Variants in ACSL3 observed in about 807,000 individuals in gnomAD.
ACSL3 encodes the protein acyl-CoA synthetase long chain family member 3.
In ACSL3, 34 loss-of-function variants were observed where a neutral mutation model predicts 84.7. The ratio of observed to expected loss-of-function variants is 0.40; its 90% confidence interval spans 0.31 to 0.53. The LOEUF is 0.53. Ranked by LOEUF, ACSL3 falls within the 20% of genes least tolerant of loss-of-function variation. The pLI is 0.48. For synonymous variants in ACSL3, 315 were observed against 299.4 expected, an observed-to-expected ratio of 1.05 and a Z score of -0.54; for missense variants, 680 against 873.1, an observed-to-expected ratio of 0.78 and a Z score of 2.79.
At chr2:222,864,339 G>A (rs886388037) in intron 1 of ACSL3, among the ~76,000 whole-genome samples, 17 of 151,900 alleles carry the variant, frequency 1.1e-4, no homozygotes, top group Non-Finnish European at 1.5e-4. Flanking sequence ...CCATGTAGAG[G>A]CAAGAGCTCA....
chr2:222,913,406 G>T (rs1696494434), intron 4 of ACSL3, among the ~76,000 whole-genome samples: 1 of 152,122 alleles, frequency 6.6e-6, no homozygotes, highest in South Asian at 2.1e-4. Flanking sequence ...TCTTGGCTGG[G>T]ATTTGTGGGT....
rs770740968 is a variant in ACSL3, at chr2:222,927,058, T to C, written c.1334T>C (p.Ile445Thr). ...GTTCGAAGCTTGCTAGGGGGAAATA[T>C]TCGTCTCCTGTTGTGTGGTGGCGCT... ...RKVRSLLGGN[I>T]RLLLCGGAPL... The change falls in exon 12 of 17, where the codon ATT becomes ACT. Residue 445 changes from isoleucine (I) to threonine (T), a missense_variant. Transcript: ENST00000357430. 8.1e-6 allele frequency: 13 copies of C among 1,613,986 alleles called. No individual in the cohort carries two copies. The Admixed American group carries it at 1.0e-4, about 12-fold the overall frequency.
At chr2:222,868,623 T>C (rs1159892189) in intron 1 of ACSL3, among the ~76,000 whole-genome samples, 1 of 152,154 alleles carries the variant, frequency 6.6e-6, no homozygotes, top group African/African-American at 2.4e-5. Flanking sequence ...TTGAGGTACA[T>C]TAACTAGATT....
At chr2:222,873,755 G>A (rs147081232) in intron 1 of ACSL3, among the ~76,000 whole-genome samples, 5 of 152,230 alleles carry the variant, frequency 3.3e-5, no homozygotes, top group African/African-American at 1.2e-4. Context: ...TCTACTATAT[G>A]TACATAATGT....
At position 222,892,250 on chromosome 2, in the gene ACSL3, TGTCC is replaced by T. The variant is rs1451150337; in HGVS notation, c.-148+4363_-148+4366del. On this transcript the variant is annotated intron_variant, in intron 2 of 16. Transcript: ENST00000357430. Reference sequence around the variant, plus strand: ...GATATTTGTAAGAATTTAAAACAACTGTCCTACTTTTAGGTCTGCTTTTTTTCGG... The same window carrying T: ...GATATTTGTAAGAATTTAAAACAACTTACTTTTAGGTCTGCTTTTTTTCGG... 3.9e-5 allele frequency among the ~76,000 whole-genome samples: 6 copies of T among 152,354 alleles called. No homozygotes were observed. The South Asian group carries it at 1.2e-3, about 32-fold the overall frequency.
chr2:222,921,541 T>C, intron 8 of ACSL3, 111 bp downstream of exon 8: 4 of 1,059,684 alleles, frequency 3.8e-6, no homozygotes, highest in Admixed American at 4.9e-5. Context: ...AGAGTCTGTT[T>C]GTAGTAGGCA....
At chr2:222,934,235 ACTTT>A (rs5838972) in intron 15 of ACSL3, among the ~76,000 whole-genome samples, 52,456 of 151,902 alleles carry the variant, frequency 0.35, 10,512 homozygotes, top group East Asian at 0.76. Flanking sequence ...AATATTTGTA[ACTTT>A]CTTTTAAAAT....
chr2:222,878,960 C>G (rs1017123485), intron 1 of ACSL3, among the ~76,000 whole-genome samples: 1 of 152,148 alleles, frequency 6.6e-6, no homozygotes, highest in Non-Finnish European at 1.5e-5. Context: ...AACCACATAC[C>G]TGGAATCCCT....
intron 2 of ACSL3, among the ~76,000 whole-genome samples, 179 bp downstream of exon 2, chr2:222,888,067 C>T (rs1286847379): frequency 6.6e-6 from 1 of 151,948 alleles, no homozygotes; most frequent in African/African-American, 2.4e-5. Context: ...GACATTAAAC[C>T]ATGTCATTGA....
chr2:222,893,618 T>G (rs1157277341), intron 2 of ACSL3, among the ~76,000 whole-genome samples: 1 of 152,238 alleles, frequency 6.6e-6, no homozygotes, highest in Non-Finnish European at 1.5e-5. Context: ...ACTTTTTTCC[T>G]GTTTTTCTCT....
chr2:222,927,263 A>C (rs1696908276), intron 12 of ACSL3, 74 bp downstream of exon 12: 1 of 1,504,788 alleles, frequency 6.6e-7, no homozygotes, highest in South Asian at 1.2e-5. Flanking sequence ...TTTTCTGCAA[A>C]TATATAGGAG....
At chr2:222,911,009 A>C (rs993643529) in intron 4 of ACSL3, among the ~76,000 whole-genome samples, 1 of 151,124 alleles carries the variant, frequency 6.6e-6, no homozygotes, top group African/African-American at 2.4e-5. Context: ...ATCATAATGA[A>C]GTTTGCTTTT....
chr2:222,908,658 A>G, intron 3 of ACSL3, 75 bp from the exon 4 acceptor site: 1 of 1,064,090 alleles, frequency 9.4e-7, no homozygotes, highest in Non-Finnish European at 1.4e-6. Context: ...AAAAATCTTC[A>G]TTTGCCGATG....
intron 12 of ACSL3, among the ~76,000 whole-genome samples, 185 bp from the exon 13 acceptor site, chr2:222,928,677 T>C (rs1173932951): frequency 1.3e-5 from 2 of 151,260 alleles, no homozygotes; most frequent in Non-Finnish European, 2.9e-5. Context: ...AACCTCAATG[T>C]AGGCCAAAAA....
intron 10 of ACSL3, 94 bp from the exon 11 acceptor site, chr2:222,924,362 C>A (rs1866661): frequency 8.7e-7 from 1 of 1,153,300 alleles, no homozygotes; most frequent in Non-Finnish European, 1.2e-6. Context: ...TTTTAAAATG[C>A]CTTAATATTG....
At position 222,916,403 on chromosome 2, in the gene ACSL3, G is replaced by A; in HGVS notation, c.463G>A (p.Gly155Ser). Residue 155 changes from glycine to serine, a missense_variant, in exon 5 of 17, where the codon GGT becomes AGT. Transcript: ENST00000357430. The stretch of plus-strand genomic sequence containing the variant: ...TTTTGGAAATGGATTACAGATGTTG[G>A]GTCAGAAACCAAAGACCAACATCGC... Reference protein sequence around the residue: ...FNFGNGLQMLGQKPKTNIAIF... With the variant: ...FNFGNGLQMLSQKPKTNIAIF... 4 of 1,613,928 alleles carry A rather than the reference G, an allele frequency of 2.5e-6. No individual in the cohort carries two copies. The highest frequency in any genetic ancestry group is 2.5e-6 in the Non-Finnish European group (3 of 1,179,938).
At chr2:222,901,743 G>A (rs1696156140) in intron 3 of ACSL3, among the ~76,000 whole-genome samples, 1 of 151,940 alleles carries the variant, frequency 6.6e-6, no homozygotes, top group African/African-American at 2.4e-5. Context: ...TCAAGAGATC[G>A]AGACCATCCT....
intron 5 of ACSL3, 66 bp from the exon 6 acceptor site, chr2:222,917,980 A>G (rs1696629817): frequency 2.5e-6 from 3 of 1,182,426 alleles, no homozygotes; most frequent in Non-Finnish European, 2.5e-6. Flanking sequence ...TCATCTCCAC[A>G]TTCAGAGACT....
Position 222,900,009 on chromosome 2 carries a change from C to T in ACSL3, c.-147-665C>T, listed in dbSNP as rs115270567. 1.1e-3 allele frequency among the ~76,000 whole-genome samples: 166 copies of T among 152,234 alleles called. 1 individual carries two copies. The highest frequency in any genetic ancestry group is 1.9e-3 in the Non-Finnish European group (132 of 68,008). ...TCATTTTCCTAGCCCTCACCAAAGA[C>T]GGAGTCGCTCTGGTTCAAACGCCTC... On this transcript the variant is annotated intron_variant, in intron 2 of 16. Coordinates refer to ENST00000357430, the MANE Select transcript of ACSL3 (RefSeq NM_004457.5).
Sources: allele counts gnomAD v4.1 joint callset (sites outside exome capture counted in the v4.1 genomes callset), GRCh38; gene constraint gnomAD v4.1.1; transcripts MANE v1.5; gene names NCBI Gene and HGNC (gene_info 2026-07-23, HGNC 2026-07-21).